GCFC2: variants seen among roughly 807,000 people sequenced by gnomAD.
GCFC2 encodes the protein intron Large complex component GCFC2.
A neutral mutation model predicts 99.4 loss-of-function variants in GCFC2; 102 were observed. That is an observed-to-expected ratio of 1.03 (90% confidence interval 0.87 to 1.21). The LOEUF (loss-of-function observed/expected upper bound fraction) is 1.21. GCFC2 is among the 50% of genes most tolerant of loss of function. The probability of loss-of-function intolerance (pLI) is 0.00; values close to 1 mark genes in which losing one functional copy is unlikely to be tolerated. For synonymous variants in GCFC2, 338 were observed against 316.8 expected, an observed-to-expected ratio of 1.07 and a Z score of -0.71; for missense variants, 973 against 920.9, an observed-to-expected ratio of 1.06 and a Z score of -0.73.
intron 15 of GCFC2, among the ~76,000 whole-genome samples, chr2:75,667,615 C>T (rs555556292): frequency 3.9e-5 from 6 of 152,102 alleles, no homozygotes; most frequent in African/African-American, 1.4e-4. Flanking sequence ...TTAAAACCAC[C>T]CTTTACTATT....
At chr2:75,676,293 T>G (rs921354464) in intron 12 of GCFC2, among the ~76,000 whole-genome samples, 1 of 152,190 alleles carries the variant, frequency 6.6e-6, no homozygotes, top group Non-Finnish European at 1.5e-5. Flanking sequence ...CATTATCTCC[T>G]GAGGCTGCCC....
chr2:75,688,386 A>C (rs890405968), intron 10 of GCFC2, among the ~76,000 whole-genome samples: 1 of 152,194 alleles, frequency 6.6e-6, no homozygotes, highest in Non-Finnish European at 1.5e-5. Flanking sequence ...TCAATTCACT[A>C]AGCATAAATA....
intron 16 of GCFC2, 54 bp from the exon 17 acceptor site, chr2:75,664,837 C>G: frequency 1.2e-6 from 1 of 813,324 alleles, no homozygotes; most frequent in Non-Finnish European, 2.1e-6. Flanking sequence ...GAGGGAACAG[C>G]GGTCAATTCA....
intron 13 of GCFC2, among the ~76,000 whole-genome samples, chr2:75,673,241 G>A (rs1322916820): frequency 6.6e-6 from 1 of 151,936 alleles, no homozygotes; most frequent in African/African-American, 2.4e-5. Context: ...CTGGGAGGCG[G>A]AGCTTGCAGT....
chr2:75,699,998 T>C (rs1046903630), intron 4 of GCFC2, among the ~76,000 whole-genome samples: 4 of 151,720 alleles, frequency 2.6e-5, no homozygotes, highest in Non-Finnish European at 5.9e-5. Context: ...CCTCCTGGGC[T>C]CAAGCAATCC....
chr2:75,682,187 G>C (rs1416860002), intron 11 of GCFC2, among the ~76,000 whole-genome samples: 1 of 151,848 alleles, frequency 6.6e-6, no homozygotes, highest in Non-Finnish European at 1.5e-5. Flanking sequence ...ACACCTCACA[G>C]AGGAGAGCTC....
In GCFC2 at chr2:75,710,640, C is replaced by A; in HGVS notation, c.216G>T (p.Ala72=). Reference sequence around the variant, plus strand: ...CCGCTTTGGTGGCACGCCGGGAGCTCGCCCAGACCCGGCCCCGGCCACGAG... The same window carrying A: ...CCGCTTTGGTGGCACGCCGGGAGCTAGCCCAGACCCGGCCCCGGCCACGAG... ...RGPRGRGRVW[A]SSRRATKAAP... Residue 72 remains alanine, a synonymous_variant, in exon 1 of 17, where the codon GCG becomes GCT. Coordinates refer to ENST00000321027, the MANE Select transcript of GCFC2 (RefSeq NM_003203.5). The A allele has an allele frequency of 6.6e-7, 1 of 1,517,610 alleles. No individual in the cohort carries two copies. Among genetic ancestry groups the A allele is most frequent in the South Asian group, 1.2e-5 (1 of 82,424 alleles). 94.0% of individuals were successfully genotyped at this position (1,517,610 alleles called of 1,614,324 possible).
intron 4 of GCFC2, among the ~76,000 whole-genome samples, chr2:75,697,049 G>A (rs1036678234): frequency 3.9e-5 from 6 of 152,132 alleles, no homozygotes; most frequent in African/African-American, 1.4e-4. Flanking sequence ...GCCTCCCAAA[G>A]TATTGGGATT....
Position 75,670,147 on chromosome 2 carries a change from C to CT in GCFC2, c.2093dup (p.Cys699ValfsTer14). ...TTCCTTCACAACTTACCTGGTTGCA[C>CT]TTTTTAACCACATCTGGCCCAGGTG... On this transcript the variant is annotated frameshift_variant, in exon 15 of 17. Coordinates refer to ENST00000321027, the MANE Select transcript of GCFC2 (RefSeq NM_003203.5). LOFTEE classifies it high-confidence loss of function. 6.2e-7 allele frequency: 1 copy of CT among 1,603,214 alleles called. No individual in the cohort carries two copies. Among genetic ancestry groups the CT allele is most frequent in the Non-Finnish European group, 8.5e-7 (1 of 1,172,960 alleles).
intron 4 of GCFC2, among the ~76,000 whole-genome samples, chr2:75,700,899 T>G (rs544084487): frequency 6.6e-6 from 1 of 152,044 alleles, no homozygotes; most frequent in African/African-American, 2.4e-5. Context: ...AAACACACAG[T>G]AGAGACATGG....
intron 15 of GCFC2, 144 bp from the exon 16 acceptor site, chr2:75,666,197 C>T (rs1357046319): frequency 6.8e-6 from 4 of 590,550 alleles, no homozygotes; most frequent in East Asian, 3.1e-5. Flanking sequence ...AAAGATTTCC[C>T]TTTGTGTCCA....
In GCFC2 at chr2:75,664,046, C is replaced by T. The variant is rs1678722546; in HGVS notation, c.*620G>A. ...TATGTTTACTCTCTAATAGCCAACA[C>T]AAAATACGCTATTAAAATAAGATTT... is the stretch of plus-strand genomic sequence containing the variant. On this transcript the variant is annotated 3_prime_UTR_variant, in exon 17 of 17. Coordinates refer to ENST00000321027, the MANE Select transcript of GCFC2 (RefSeq NM_003203.5). 6.6e-6 allele frequency: 1 copy of T among 152,066 alleles called. No homozygotes were observed. 9.4% of individuals were successfully genotyped at this position (152,066 alleles called of 1,614,324 possible).
At chr2:75,712,872 G>A (rs890236775), upstream of GCFC2, among the ~76,000 whole-genome samples, 9 of 152,062 alleles carry the variant, frequency 5.9e-5, no homozygotes, top group South Asian at 2.1e-4. Flanking sequence ...CACCAATTCC[G>A]GACACAATAT....
chr2:75,711,153 G>T, upstream of GCFC2: 2 of 985,268 alleles, frequency 2.0e-6, no homozygotes, highest in South Asian at 9.4e-5. Flanking sequence ...CCCACGGAGA[G>T]CAGAACTCAC....
At chr2:75,679,988 A>G in intron 12 of GCFC2, 1 of 473,260 alleles carries the variant, frequency 2.1e-6, no homozygotes, top group African/African-American at 2.0e-5. Context: ...AAGATAAAAA[A>G]TAGCCAAGTC....
At chr2:75,678,465 C>T (rs1679441448) in intron 12 of GCFC2, among the ~76,000 whole-genome samples, 1 of 152,190 alleles carries the variant, frequency 6.6e-6, no homozygotes, top group Non-Finnish European at 1.5e-5. Flanking sequence ...GCCTCTCTCT[C>T]TGTTGCCACA....
At chr2:75,708,131 G>C (rs1394128135) in intron 1 of GCFC2, among the ~76,000 whole-genome samples, 1 of 152,116 alleles carries the variant, frequency 6.6e-6, no homozygotes, top group Non-Finnish European at 1.5e-5. Flanking sequence ...CTAACAAACC[G>C]ATTATTCAGA....
intron 12 of GCFC2, among the ~76,000 whole-genome samples, chr2:75,678,455 G>A (rs897850702): frequency 6.6e-6 from 1 of 152,096 alleles, no homozygotes; most frequent in Non-Finnish European, 1.5e-5. Flanking sequence ...AGCAGAAAAT[G>A]CCTCTCTCTC....
chr2:75,710,359 A>G (rs1294641712), intron 1 of GCFC2: 4 of 987,528 alleles, frequency 4.1e-6, no homozygotes, highest in Non-Finnish European at 5.5e-6. Flanking sequence ...TCCCAACTGT[A>G]CACGATTGTT....
Sources: allele counts gnomAD v4.1 joint callset (sites outside exome capture counted in the v4.1 genomes callset), GRCh38; gene constraint gnomAD v4.1.1; transcripts MANE v1.5; gene names NCBI Gene and HGNC (gene_info 2026-07-23, HGNC 2026-07-21).